KALRN: variants seen among roughly 807,000 people sequenced by gnomAD.
The protein encoded by KALRN is kalirin.
A neutral mutation model predicts 353.7 loss-of-function variants in KALRN; 70 were observed. The observed-to-expected ratio is 0.20, with a 90% CI of 0.16 to 0.24. The LOEUF is 0.24. Among genes scored for constraint, KALRN ranks in the 10% least tolerant of loss-of-function variants. The pLI, the probability that KALRN is intolerant of heterozygous loss-of-function variation, is 1.00. For missense variants in KALRN, 2,791 were observed against 3,756.7 expected, an observed-to-expected ratio of 0.74 and a Z score of 6.72; for synonymous variants, 1,391 against 1,434.8, an observed-to-expected ratio of 0.97 and a Z score of 0.69.
intron 34 of KALRN, among the ~76,000 whole-genome samples, chr3:124,592,473 A>G (rs796825916): frequency 7.9e-5 from 12 of 151,990 alleles, no homozygotes; most frequent in African/African-American, 2.2e-4. Flanking sequence ...AAGATAGCCA[A>G]TTGCTTTTTC....
intron 3 of KALRN, among the ~76,000 whole-genome samples, chr3:124,258,024 TA>T (rs1674171004): frequency 1.3e-5 from 2 of 152,160 alleles, no homozygotes; most frequent in African/African-American, 4.8e-5. Flanking sequence ...TGTTCCACTG[TA>T]AACGGGTCTG....
intron 10 of KALRN, chr3:124,384,469 C>T (rs2087891866): frequency 6.0e-6 from 1 of 167,548 alleles, no homozygotes; most frequent in African/African-American, 2.4e-5. Context: ...AAATACAGAC[C>T]GTCTTTGTGG....
At chr3:124,369,307 T>A (rs1383161575) in intron 10 of KALRN, among the ~76,000 whole-genome samples, 1 of 152,260 alleles carries the variant, frequency 6.6e-6, no homozygotes, top group Non-Finnish European at 1.5e-5. Context: ...TTGGTGTTTT[T>A]CAAATTTTGG....
At chr3:124,620,855 A>G (rs1426873328) in intron 34 of KALRN, among the ~76,000 whole-genome samples, 1 of 152,158 alleles carries the variant, frequency 6.6e-6, no homozygotes, top group East Asian at 1.9e-4. Flanking sequence ...GGTCGAGGAG[A>G]CCTTGAGGAC....
intron 2 of KALRN, among the ~76,000 whole-genome samples, chr3:124,230,498 A>G (rs942140192): frequency 6.6e-6 from 1 of 152,208 alleles, no homozygotes; most frequent in African/African-American, 2.4e-5. Context: ...AAATTCAGTC[A>G]GAGCCCTGGG....
chr3:124,699,645 T>G (rs966600596), intron 55 of KALRN, among the ~76,000 whole-genome samples: 3 of 152,216 alleles, frequency 2.0e-5, no homozygotes, highest in Non-Finnish European at 4.4e-5. Flanking sequence ...GTGAACAGAA[T>G]CTATAGGCCA....
rs568857028 is a variant in KALRN at position 124,035,477 on chromosome 3, A to G, written c.73+1664A>G. 2.6e-5 allele frequency among the ~76,000 whole-genome samples: 4 copies of G among 152,220 alleles called. No homozygotes were observed. The South Asian group carries it at 8.3e-4, about 32-fold the overall frequency. On this transcript the variant is annotated intron_variant, in intron 1 of 59. Coordinates refer to ENST00000682506, the MANE Select transcript of KALRN (RefSeq NM_001388419.1). The stretch of plus-strand genomic sequence containing the variant: ...CTGCATTTTCTTAGCTCTGAGGGAA[A>G]AATCTTGAAGTGTGAGCCTTCCCAC...
At chr3:124,058,147 C>T (rs1039044341) in intron 1 of KALRN, among the ~76,000 whole-genome samples, 17 of 152,108 alleles carry the variant, frequency 1.1e-4, no homozygotes, top group African/African-American at 3.9e-4. Flanking sequence ...AATTCAGTCA[C>T]CTCCCACTGA....
At chr3:124,562,347 T>A (rs1395548746) in intron 33 of KALRN, among the ~76,000 whole-genome samples, 1 of 151,968 alleles carries the variant, frequency 6.6e-6, no homozygotes, top group Non-Finnish European at 1.5e-5. Context: ...TATCATCTAG[T>A]GAGAATCTAA....
rs1395318707 is a variant in KALRN, at chr3:124,439,200, T to TTACACACACACACACA, written c.3198+163_3198+164insTACACACACACACACA. 8.5e-3 allele frequency among the ~76,000 whole-genome samples: 844 copies of TTACACACACACACACA among 98,898 alleles called. 16 individuals are homozygous for TTACACACACACACACA. Among genetic ancestry groups the TTACACACACACACACA allele is most frequent in the Admixed American group, 0.058 (527 of 9,110 alleles). The allele number at this position is 98,898 out of a possible 152,430, so 64.9% of individuals were successfully genotyped here. A position where few individuals can be genotyped will look rare whatever the true frequency, so the allele number is the denominator to read the frequency against. On this transcript the variant is annotated intron_variant, in intron 18 of 59. Transcript: ENST00000682506. The stretch of plus-strand genomic sequence containing the variant: ...TCCTTCTTCTCCTTCTCTCTCTCTC[T>TTACACACACACACACA]CACACACACACACACACACACACAC...
At chr3:124,329,745 GA>G in intron 7 of KALRN, 115 bp from the exon 8 acceptor site, 1 of 1,232,310 alleles carries the variant, frequency 8.1e-7, no homozygotes, top group Non-Finnish European at 1.1e-6. Flanking sequence ...AGTGGTCTCT[GA>G]AGGCTTTCAG....
chr3:124,041,224 A>C (rs2039937452), intron 1 of KALRN, among the ~76,000 whole-genome samples: 1 of 152,180 alleles, frequency 6.6e-6, no homozygotes, highest in African/African-American at 2.4e-5. Flanking sequence ...TAAACACTCC[A>C]TTTTGCTCTC....
intron 1 of KALRN, among the ~76,000 whole-genome samples, chr3:124,199,330 C>T (rs1163833823): frequency 6.6e-6 from 1 of 152,206 alleles, no homozygotes; most frequent in Non-Finnish European, 1.5e-5. Context: ...AAAGATCTTT[C>T]CCAATGCCTT....
rs577769982 is a variant in KALRN at position 124,468,422 on chromosome 3, A to G, written c.4031+5789A>G. ...AGAGAAGGGATGTGCAGTTCAGGCC[A>G]CTGGGGAAAGGCCGCCCTGTCAGGC... On this transcript the variant is annotated intron_variant, in intron 25 of 59. Coordinates refer to ENST00000682506, the MANE Select transcript of KALRN (RefSeq NM_001388419.1). 1.6e-4 allele frequency among the ~76,000 whole-genome samples: 24 copies of G among 152,266 alleles called. 1 individual carries two copies. The South Asian group carries it at 2.9e-3, about 18-fold the overall frequency.
rs543545912 is a variant in KALRN at position 124,468,427 on chromosome 3, G to A, written c.4031+5794G>A. On this transcript the variant is annotated intron_variant, in intron 25 of 59. Transcript: ENST00000682506. ...AGGGATGTGCAGTTCAGGCCACTGG[G>A]GAAAGGCCGCCCTGTCAGGCTGCTG... 3.3e-5 allele frequency among the ~76,000 whole-genome samples: 5 copies of A among 152,262 alleles called. No individual in the cohort carries two copies. In the East Asian group the frequency reaches 9.6e-4, roughly 29 times the overall value.
At chr3:124,368,391 G>C (rs1323455387) in intron 10 of KALRN, among the ~76,000 whole-genome samples, 2 of 147,912 alleles carry the variant, frequency 1.4e-5, no homozygotes, top group East Asian at 4.1e-4. Context: ...ACGGGGTCGC[G>C]GCCGGGCAGA....
chr3:124,533,181 G>A (rs2068202990), intron 33 of KALRN, among the ~76,000 whole-genome samples: 1 of 151,842 alleles, frequency 6.6e-6, no homozygotes, highest in African/African-American at 2.4e-5. Flanking sequence ...TTGAGTCTAG[G>A]AGTTCAAGAG....
rs148208557 is a variant in KALRN, at chr3:124,143,948, G to C, written c.74-84042G>C. The stretch of plus-strand genomic sequence containing the variant: ...GGAAGCTATTAGATGGGCAGTAAGG[G>C]GGGGATCTAAGGAGTGTCTCTTTTG... On this transcript the variant is annotated intron_variant, in intron 1 of 59. Coordinates refer to ENST00000682506, the MANE Select transcript of KALRN (RefSeq NM_001388419.1). Among the ~76,000 whole-genome samples, 11 of 152,294 alleles carry C rather than the reference G, an allele frequency of 7.2e-5. No homozygotes were observed. The East Asian group carries it at 1.9e-3, about 27-fold the overall frequency.
At chr3:124,309,884 A>G (rs745543306) in intron 6 of KALRN, among the ~76,000 whole-genome samples, 1 of 152,090 alleles carries the variant, frequency 6.6e-6, no homozygotes, top group Non-Finnish European at 1.5e-5. Context: ...AGACAACGAC[A>G]CTCTTGCCCC....
Sources: gnomAD v4.1 joint callset for allele counts (sites outside exome capture counted in the v4.1 genomes callset) on GRCh38, gnomAD v4.1.1 for gene constraint, MANE v1.5 for transcripts, NCBI Gene and HGNC (gene_info 2026-07-23, HGNC 2026-07-21) for gene names.